Variants in DOCK3 observed in about 807,000 individuals in gnomAD.
DOCK3 encodes the protein dedicator of cytokinesis 3.
Under a neutral mutation model 265.6 loss-of-function variants are expected in DOCK3, and 60 were observed. The observed-to-expected ratio is 0.23, with a 90% CI of 0.18 to 0.28. The LOEUF is 0.28. Ranked by LOEUF, DOCK3 falls within the 10% of genes least tolerant of loss-of-function variation. The pLI is 1.00. For synonymous variants in DOCK3, 881 were observed against 938.0 expected (o/e 0.94, Z 1.11); for missense variants, 1,981 against 2,594.3 (o/e 0.76, Z 5.14).
intron 3 of DOCK3, among the ~76,000 whole-genome samples, chr3:50,854,016 T>A (rs532490454): frequency 6.6e-6 from 1 of 152,166 alleles, no homozygotes; most frequent in Non-Finnish European, 1.5e-5. Context: ...CTGACTGGTA[T>A]GAGGTGGTAT....
intron 5 of DOCK3, among the ~76,000 whole-genome samples, chr3:51,032,670 G>C (rs951765189): frequency 6.6e-6 from 1 of 152,082 alleles, no homozygotes; most frequent in Non-Finnish European, 1.5e-5. Context: ...CTACTCAGGA[G>C]GCTGAGGCAG....
At chr3:51,136,730 G>A (rs996525295) in intron 9 of DOCK3, among the ~76,000 whole-genome samples, 23 of 152,034 alleles carry the variant, frequency 1.5e-4, no homozygotes, top group Admixed American at 1.4e-3. Context: ...AAAGAGGAAG[G>A]CTAGAAAGAA....
chr3:50,865,854 G>T (rs935888059), intron 3 of DOCK3, among the ~76,000 whole-genome samples: 2 of 152,142 alleles, frequency 1.3e-5, no homozygotes, highest in African/African-American at 4.8e-5. Flanking sequence ...TTTAACTGGG[G>T]TGAGATGATA....
intron 32 of DOCK3, among the ~76,000 whole-genome samples, chr3:51,323,183 C>G (rs1393666333): frequency 6.6e-6 from 1 of 152,110 alleles, no homozygotes; most frequent in Non-Finnish European, 1.5e-5. Context: ...GCACCCAATA[C>G]AGGAGCACCC....
intron 3 of DOCK3, among the ~76,000 whole-genome samples, chr3:50,857,198 G>A (rs1233570338): frequency 6.6e-6 from 1 of 152,084 alleles, no homozygotes; most frequent in Non-Finnish European, 1.5e-5. Context: ...AGAAGAGTTA[G>A]GAAGGAGTTC....
rs1352901036 is a variant in DOCK3, at chr3:51,383,607, T to A, written c.*2048T>A. On this transcript the variant is annotated 3_prime_UTR_variant, in exon 53 of 53. Coordinates refer to ENST00000266037, the MANE Select transcript of DOCK3 (RefSeq NM_004947.5). ...GGAGGGGAGTATGGGTTCATTTGGC[T>A]TCGCATTATGCAAGGTGAAACCGTT... 6.6e-6 allele frequency: 1 copy of A among 152,366 alleles called. No homozygotes were observed. Among genetic ancestry groups the A allele is most frequent in the Non-Finnish European group, 1.5e-5 (1 of 68,056 alleles). The allele number at this position is 152,366 out of a possible 1,614,324, so 9.4% of individuals were successfully genotyped here.
chr3:51,161,241 G>A (rs552410109), intron 12 of DOCK3, among the ~76,000 whole-genome samples: 75 of 152,108 alleles, frequency 4.9e-4, no homozygotes, highest in Non-Finnish European at 9.3e-4. Flanking sequence ...TCAGGAGATC[G>A]AGACCATCTT....
intron 1 of DOCK3, among the ~76,000 whole-genome samples, chr3:50,704,649 G>A (rs1261264048): frequency 2.7e-5 from 4 of 145,540 alleles, no homozygotes; most frequent in Admixed American, 7.0e-5. Flanking sequence ...TTTTTGAGAC[G>A]GAGTCTCACT....
At chr3:50,695,092 A>G (rs1239060735) in intron 1 of DOCK3, among the ~76,000 whole-genome samples, 1 of 152,250 alleles carries the variant, frequency 6.6e-6, no homozygotes, top group Non-Finnish European at 1.5e-5. Flanking sequence ...AGAAGCTTCT[A>G]CATATCAGTA....
At chr3:51,073,955 CAG>C (rs1182209868) in intron 6 of DOCK3, among the ~76,000 whole-genome samples, 2 of 152,124 alleles carry the variant, frequency 1.3e-5, no homozygotes, top group South Asian at 2.1e-4. Flanking sequence ...TTCCTATAAA[CAG>C]GGTATAAATT....
intron 1 of DOCK3, among the ~76,000 whole-genome samples, chr3:50,774,921 A>C (rs116054851): frequency 0.014 from 2,151 of 152,004 alleles, 25 homozygotes; most frequent in Non-Finnish European, 0.024. Context: ...CAATTTTTTC[A>C]TATATAGAGG....
At chr3:51,099,570 G>C (rs539017802) in intron 9 of DOCK3, among the ~76,000 whole-genome samples, 11 of 152,344 alleles carry the variant, frequency 7.2e-5, no homozygotes, top group African/African-American at 2.6e-4. Flanking sequence ...TGTGAGGAGA[G>C]GAATGTGGAG....
At position 51,146,525 on chromosome 3, in the gene DOCK3, A is replaced by G. The variant is rs762670234; in HGVS notation, c.747-24A>G. On this transcript the variant is annotated intron_variant, in intron 9 of 52. Coordinates refer to ENST00000266037, the MANE Select transcript of DOCK3 (RefSeq NM_004947.5). ...TGGAGTGTGTTACTCACATTTCTCT[A>G]TATCTTTCTTTCCTACATTTCAGTG... The G allele has an allele frequency of 4.3e-5, 68 of 1,571,004 alleles. No individual in the cohort carries two copies. The South Asian group carries it at 6.2e-4, about 14-fold the overall frequency.
At chr3:50,716,540 A>T (rs2037124482) in intron 1 of DOCK3, among the ~76,000 whole-genome samples, 1 of 151,552 alleles carries the variant, frequency 6.6e-6, no homozygotes, top group South Asian at 2.1e-4. Context: ...AAAAAAACTT[A>T]AAAGTATAAT....
chr3:51,362,314 A>AGT (rs2086794210), intron 48 of DOCK3, among the ~76,000 whole-genome samples: 1 of 152,100 alleles, frequency 6.6e-6, no homozygotes, highest in Non-Finnish European at 1.5e-5. Context: ...CTCCATGGTC[A>AGT]CCGTAGTATG....
intron 1 of DOCK3, among the ~76,000 whole-genome samples, chr3:50,726,407 C>T (rs1004583204): frequency 1.3e-5 from 2 of 152,146 alleles, no homozygotes; most frequent in African/African-American, 4.8e-5. Flanking sequence ...ATTGGAGAAT[C>T]CAGAAGTCCA....
At chr3:50,950,043 G>A (rs1487425290) in intron 5 of DOCK3, among the ~76,000 whole-genome samples, 1 of 146,412 alleles carries the variant, frequency 6.8e-6, no homozygotes, top group Non-Finnish European at 1.5e-5. Context: ...TAATCTTGCT[G>A]TTTAAATAGC....
intron 4 of DOCK3, chr3:50,901,027 T>G (rs2049162213): frequency 2.9e-6 from 1 of 350,374 alleles, no homozygotes; most frequent in East Asian, 9.7e-5. Flanking sequence ...GCTCCTCTCT[T>G]CAGAACAGAC....
chr3:50,855,841 C>T (rs570249402), intron 3 of DOCK3, among the ~76,000 whole-genome samples: 1 of 152,114 alleles, frequency 6.6e-6, no homozygotes, highest in East Asian at 1.9e-4. Flanking sequence ...CTCCCTTTAC[C>T]CCCACCCCTG....
Sources: gnomAD v4.1 joint callset for allele counts (sites outside exome capture counted in the v4.1 genomes callset) on GRCh38, gnomAD v4.1.1 for gene constraint, MANE v1.5 for transcripts, NCBI Gene and HGNC (gene_info 2026-07-23, HGNC 2026-07-21) for gene names.